Variants in UGT2B28 observed in about 807,000 individuals in gnomAD.
UGT2B28 encodes UDP-glucuronosyltransferase 2B28.
In UGT2B28, 45 loss-of-function variants were observed where a neutral mutation model predicts 43.6. The ratio of observed to expected loss-of-function variants is 1.03; its 90% confidence interval spans 0.81 to 1.32. The LOEUF is 1.32. Among genes scored for constraint, UGT2B28 ranks in the 40% most tolerant of loss-of-function variants. The pLI is 0.00. For missense variants in UGT2B28, 649 were observed against 625.5 expected (o/e 1.04, Z -0.40); for synonymous variants, 204 against 208.1 (o/e 0.98, Z 0.17).
intron 2 of UGT2B28, among the ~76,000 whole-genome samples, chr4:69,283,266 C>A (rs1358580084): frequency 2.9e-5 from 4 of 138,324 alleles, no homozygotes; most frequent in Non-Finnish European, 6.1e-5. Context: ...GTTCTCAAGT[C>A]CTCAGGTTTT....
Position 69,284,606 on chromosome 4 carries a change from T to A in UGT2B28, c.870+1944T>A, listed in dbSNP as rs183984199. Among the ~76,000 whole-genome samples, 299 of 139,380 alleles carry A rather than the reference T, an allele frequency of 2.1e-3. 67 individuals carry two copies. The highest frequency in any genetic ancestry group is 8.1e-3 in the African/African-American group (290 of 35,608). The allele number at this position is 139,380 out of a possible 152,430, so 91.4% of individuals were successfully genotyped here. On this transcript the variant is annotated intron_variant, in intron 2 of 5. Transcript: ENST00000335568. ...ATTAAGGGAAACTGACAGTGCAAAT[T>A]GGAGGAGGAAGAGAGTAGGAGGTGT...
At position 69,294,910 on chromosome 4, in the gene UGT2B28, G is replaced by C; in HGVS notation, c.*101G>C. On this transcript the variant is annotated 3_prime_UTR_variant, in exon 6 of 6. Coordinates refer to ENST00000335568, the MANE Select transcript of UGT2B28 (RefSeq NM_053039.2). ...TGTTATGCAAGATTTCTTTCTTCCT[G>C]TGACAAAAAAAAAAACTTTTCAAAA... is the stretch of plus-strand genomic sequence containing the variant. 1 of 1,321,160 alleles carries C rather than the reference G, an allele frequency of 7.6e-7. No homozygotes were observed. The highest frequency in any genetic ancestry group is 3.2e-5 in the Admixed American group (1 of 31,030). 81.8% of individuals were successfully genotyped at this position (1,321,160 alleles called of 1,614,324 possible). A position where few individuals can be genotyped will look rare whatever the true frequency, so the allele number is the denominator to read the frequency against.
rs1454623102 is a variant in UGT2B28, at chr4:69,290,733, C to T, written c.1232C>T (p.Ala411Val). Residue 411 changes from alanine to valine, a missense_variant, in exon 5 of 6, where the codon GCA becomes GTA. By Grantham distance (64) the Ala-to-Val change is moderately conservative. Transcript: ENST00000335568. ...ATTGCTCACATGAAGGCCAAGGGAG[C>T]AGCTGTTAGACTGGACTTCCACACA... ...DNIAHMKAKG[A>V]AVRLDFHTMS... 2.6e-6 allele frequency: 4 copies of T among 1,559,574 alleles called. No individual in the cohort carries two copies. The highest frequency in any genetic ancestry group is 4.6e-5 in the East Asian group (2 of 43,554).
At position 69,289,834 on chromosome 4, in the gene UGT2B28, T is replaced by G; in HGVS notation, c.1090+82T>G. The G allele has an allele frequency of 3.0e-6, 4 of 1,320,876 alleles. 1 individual carries two copies. Among genetic ancestry groups the G allele is most frequent in the Non-Finnish European group, 4.1e-6 (4 of 979,836 alleles). The allele number at this position is 1,320,876 out of a possible 1,614,324, so 81.8% of individuals were successfully genotyped here. A position where few individuals can be genotyped will look rare whatever the true frequency, so the allele number is the denominator to read the frequency against. On this transcript the variant is annotated intron_variant, in intron 4 of 5. Coordinates refer to ENST00000335568, the MANE Select transcript of UGT2B28 (RefSeq NM_053039.2). ...ATAGTTTATCTTGAAACATGCTTAT[T>G]GAATATTTATTATAGGAAAACAAAA... is the stretch of plus-strand genomic sequence containing the variant.
At chr4:69,285,375 A>C (rs1387805757) in intron 2 of UGT2B28, among the ~76,000 whole-genome samples, 1 of 140,316 alleles carries the variant, frequency 7.1e-6, no homozygotes, top group Non-Finnish European at 1.5e-5. Flanking sequence ...AAGGAGCAAC[A>C]ACCCGTCAAT....
intron 5 of UGT2B28, 22 bp from the exon 6 acceptor site, chr4:69,294,508 T>C: frequency 6.6e-7 from 1 of 1,515,368 alleles, no homozygotes; most frequent in South Asian, 1.3e-5. Context: ...TCAGTGTTGG[T>C]ATCTTTATTT....
At chr4:69,288,693 G>A (rs1323502578) in intron 3 of UGT2B28, among the ~76,000 whole-genome samples, 1 of 138,796 alleles carries the variant, frequency 7.2e-6, no homozygotes, top group South Asian at 2.4e-4. Context: ...CATCACCCAG[G>A]TATTAAGACT....
At chr4:69,282,007 A>G (rs1723626890) in intron 1 of UGT2B28, among the ~76,000 whole-genome samples, 1 of 140,422 alleles carries the variant, frequency 7.1e-6, no homozygotes, top group Non-Finnish European at 1.5e-5. Flanking sequence ...TCAAATCCAA[A>G]TGAGTAGTTG....
Position 69,284,627 on chromosome 4 carries a change from G to T in UGT2B28, c.870+1965G>T, listed in dbSNP as rs1411610035. 1.9e-4 allele frequency among the ~76,000 whole-genome samples: 27 copies of T among 139,848 alleles called. 4 individuals are homozygous for T. The South Asian group carries it at 2.2e-3, about 11-fold the overall frequency. 91.7% of individuals were successfully genotyped at this position (139,848 alleles called of 152,430 possible). On this transcript the variant is annotated intron_variant, in intron 2 of 5. Transcript: ENST00000335568. ...AAATTGGAGGAGGAAGAGAGTAGGA[G>T]GTGTAAAAGGACAAGAAAAAAGGTT...
chr4:69,290,985 C>G (rs1723939453), intron 5 of UGT2B28, among the ~76,000 whole-genome samples, 174 bp downstream of exon 5: 1 of 139,862 alleles, frequency 7.1e-6, no homozygotes, highest in Non-Finnish European at 1.5e-5. Flanking sequence ...GTGCTTGAAT[C>G]CCATACATCT....
chr4:69,288,303 T>G (rs2109691487), intron 3 of UGT2B28, among the ~76,000 whole-genome samples: 1 of 140,276 alleles, frequency 7.1e-6, no homozygotes, highest in South Asian at 2.4e-4. Flanking sequence ...TATTTATTTC[T>G]TATAATTAGC....
chr4:69,294,249 G>C lies in UGT2B28; in HGVS notation c.1311-281G>C, dbSNP rs867805172. Among the ~76,000 whole-genome samples, 31 of 131,632 alleles carry C rather than the reference G, an allele frequency of 2.4e-4. 7 individuals carry two copies. The highest frequency in any genetic ancestry group is 7.0e-4 in the African/African-American group (23 of 32,990). The allele number at this position is 131,632 out of a possible 152,430, so 86.4% of individuals were successfully genotyped here. A position where few individuals can be genotyped will look rare whatever the true frequency, so the allele number is the denominator to read the frequency against. The stretch of plus-strand genomic sequence containing the variant: ...GGACCCACAAAAACTTAAAATTAAA[G>C]AATTAAAAACAATTAAAATGCCTTA... On this transcript the variant is annotated intron_variant, in intron 5 of 5. Coordinates refer to ENST00000335568, the MANE Select transcript of UGT2B28 (RefSeq NM_053039.2).
rs1286110432 is a variant in UGT2B28, at chr4:69,293,117, C to T, written c.1311-1413C>T. Among the ~76,000 whole-genome samples the T allele has an allele frequency of 1.9e-4, 27 of 140,432 alleles. 6 individuals are homozygous for T. The highest frequency in any genetic ancestry group is 6.1e-4 in the African/African-American group (22 of 36,088). The allele number at this position is 140,432 out of a possible 152,430, so 92.1% of individuals were successfully genotyped here. A position where few individuals can be genotyped will look rare whatever the true frequency, so the allele number is the denominator to read the frequency against. On this transcript the variant is annotated intron_variant, in intron 5 of 5. Coordinates refer to ENST00000335568, the MANE Select transcript of UGT2B28 (RefSeq NM_053039.2). The stretch of plus-strand genomic sequence containing the variant: ...TATCAATCAACAGAATACTACATAG[C>T]AATGGAATTACCCAAGAACTGCTAC...
At chr4:69,289,551 A>T in intron 3 of UGT2B28, 114 bp from the exon 4 acceptor site, 2 of 961,942 alleles carry the variant, frequency 2.1e-6, no homozygotes, top group Admixed American at 3.1e-5. Flanking sequence ...TCAATCTCTG[A>T]GTAGATTTAT....
intron 5 of UGT2B28, 73 bp downstream of exon 5, chr4:69,290,884 C>G: frequency 6.9e-7 from 1 of 1,443,346 alleles, no homozygotes; most frequent in East Asian, 2.4e-5. Flanking sequence ...GCATGAGTTT[C>G]ATCCTTTTTA....
At position 69,287,340 on chromosome 4, in the gene UGT2B28, T is replaced by C. The variant is rs1297715645; in HGVS notation, c.1002+457T>C. Among the ~76,000 whole-genome samples, 4 of 140,726 alleles carry C rather than the reference T, an allele frequency of 2.8e-5. 1 individual carries two copies. The highest frequency in any genetic ancestry group is 5.5e-5 in the African/African-American group (2 of 36,080). 92.3% of individuals were successfully genotyped at this position (140,726 alleles called of 152,430 possible). ...TCTTTGTAGAAATACAAGGAAGACT[T>C]ATGATCATTTTCTTCAAAGCTGTTT... On this transcript the variant is annotated intron_variant, in intron 3 of 5. Coordinates refer to ENST00000335568, the MANE Select transcript of UGT2B28 (RefSeq NM_053039.2).
chr4:69,286,656 A>C, intron 2 of UGT2B28, 96 bp from the exon 3 acceptor site: 1 of 1,426,564 alleles, frequency 7.0e-7, no homozygotes, highest in African/African-American at 1.7e-5. Context: ...AATTCCTCAA[A>C]ATACTTGATT....
At chr4:69,292,865 A>T (rs756971280) in intron 5 of UGT2B28, among the ~76,000 whole-genome samples, 1 of 140,540 alleles carries the variant, frequency 7.1e-6, no homozygotes, top group Non-Finnish European at 1.5e-5. Context: ...ATTGGAAATT[A>T]AAAAAATACA....
rs1474741204 is a variant in UGT2B28 at position 69,289,625 on chromosome 4, G to T, written c.1003-40G>T. On this transcript the variant is annotated intron_variant, in intron 3 of 5. Transcript: ENST00000335568. ...AGTTCTAACATTCTATAATTTTTGAGTTCCACTCATGGAATAAGATATTCT... is the reference window on the plus strand; with the variant it reads ...AGTTCTAACATTCTATAATTTTTGATTTCCACTCATGGAATAAGATATTCT... The T allele has an allele frequency of 2.0e-6, 3 of 1,487,056 alleles. 1 individual carries two copies. The East Asian group carries it at 7.1e-5, about 35-fold the overall frequency. The allele number at this position is 1,487,056 out of a possible 1,614,324, so 92.1% of individuals were successfully genotyped here. A position where few individuals can be genotyped will look rare whatever the true frequency, so the allele number is the denominator to read the frequency against.
Sources: gnomAD v4.1 joint callset for allele counts (sites outside exome capture counted in the v4.1 genomes callset) on GRCh38, gnomAD v4.1.1 for gene constraint, MANE v1.5 for transcripts, NCBI Gene and HGNC (gene_info 2026-07-23, HGNC 2026-07-21) for gene names.